The following SPAG4 variants were observed in gnomAD, a reference collection of about 807,000 sequenced individuals.
The protein encoded by SPAG4 is sperm-associated antigen 4 protein.
In SPAG4, 54 loss-of-function variants were observed where a neutral mutation model predicts 53.9. The observed-to-expected ratio is 1.00, with a 90% CI of 0.80 to 1.26. SPAG4 has a LOEUF of 1.26. SPAG4 is among the 50% of genes most tolerant of loss of function. SPAG4 has a pLI of 0.00. For missense variants in SPAG4, 548 were observed against 568.6 expected, an observed-to-expected ratio of 0.96 and a Z score of 0.37; for synonymous variants, 246 against 237.4, an observed-to-expected ratio of 1.04 and a Z score of -0.33.
At chr20:35,619,975 C>T (rs761827) in intron 10 of SPAG4, among the ~76,000 whole-genome samples, 31,106 of 151,966 alleles carry the variant, frequency 0.2, 3,683 homozygotes, top group South Asian at 0.33. Flanking sequence ...TCTTATTTTG[C>T]TGTTGTTTTT....
chr20:35,616,505 A>T, intron 1 of SPAG4, 198 bp downstream of exon 1: 1 of 567,248 alleles, frequency 1.8e-6, no homozygotes, highest in Non-Finnish European at 2.2e-6. Context: ...GGGGCGGGGA[A>T]AATCTTGTGG....
Position 35,618,703 on chromosome 20 carries a change from C to G in SPAG4, c.700C>G (p.Arg234Gly), listed in dbSNP as rs779926599. ...DKLHKEVSTV[R>G]AANSERVAKL... The stretch of plus-strand genomic sequence containing the variant: ...ACTCCACAAGGAGGTGTCCACTGTT[C>G]GGGCAGCCAACAGCGAGGTGAGCCC... The change falls in exon 7 of 12, where the codon CGG becomes GGG. Residue 234 changes from arginine to glycine, a missense_variant. Physicochemically the swap from Arg to Gly is moderately radical, Grantham distance 125. Coordinates refer to ENST00000374273, the MANE Select transcript of SPAG4 (RefSeq NM_003116.3). 4.4e-6 allele frequency: 7 copies of G among 1,585,898 alleles called. No homozygotes were observed. The highest frequency in any genetic ancestry group is 6.0e-6 in the Non-Finnish European group (7 of 1,165,538).
chr20:35,616,045 C>G lies in SPAG4; in HGVS notation c.42C>G (p.Arg14=), dbSNP rs2031359976. The change falls in exon 1 of 12, where the codon CGC becomes CGG. Residue 14 remains arginine, a synonymous_variant. Coordinates refer to ENST00000374273, the MANE Select transcript of SPAG4 (RefSeq NM_003116.3). ...GCCCGGGCTCGGCCTCGTCCTCGCGCAAGCACACGCCCAACTTTTTCAGCG... is the reference window on the plus strand; with the variant it reads ...GCCCGGGCTCGGCCTCGTCCTCGCGGAAGCACACGCCCAACTTTTTCAGCG... ...SSRPGSASSS[R]KHTPNFFSEN... is the part of the protein sequence containing the mutation. 6.2e-7 allele frequency: 1 copy of G among 1,612,566 alleles called. No homozygotes were observed.
At chr20:35,619,544 C>T (rs1300673759) in intron 9 of SPAG4, 35 bp from the exon 10 acceptor site, 1 of 1,601,980 alleles carries the variant, frequency 6.2e-7, no homozygotes, top group African/African-American at 1.3e-5. Context: ...GTCGCTCTGT[C>T]CGACGGTTCC....
At chr20:35,620,170 C>G (rs776947949) in intron 10 of SPAG4, among the ~76,000 whole-genome samples, 11 of 152,112 alleles carry the variant, frequency 7.2e-5, no homozygotes, top group Non-Finnish European at 1.5e-4. Flanking sequence ...GGGGTTTCAC[C>G]ATGTTGGCCA....
Position 35,619,623 on chromosome 20 carries a change from A to C in SPAG4, c.954A>C (p.Gln318His). The C allele has an allele frequency of 6.2e-7, 1 of 1,614,018 alleles. No homozygotes were observed. The highest frequency in any genetic ancestry group is 1.6e-4 in the Middle Eastern group (1 of 6,062). ...PGNCWAFEGD[Q>H]GQVVIQLPGR... Reference sequence around the variant, plus strand: ...ATTGCTGGGCTTTTGAAGGCGACCAAGGCCAGGTGGTGATCCAACTGCCGG... The same window carrying C: ...ATTGCTGGGCTTTTGAAGGCGACCACGGCCAGGTGGTGATCCAACTGCCGG... Residue 318 changes from glutamine (Q) to histidine (H), a missense_variant, in exon 10 of 12, where the codon CAA becomes CAC. Gln to His is a conservative substitution (Grantham distance 24). Coordinates refer to ENST00000374273, the MANE Select transcript of SPAG4 (RefSeq NM_003116.3).
At chr20:35,616,767 T>C in intron 1 of SPAG4, 1 of 253,450 alleles carries the variant, frequency 3.9e-6, no homozygotes, top group Non-Finnish European at 7.6e-6. Context: ...GTAGCTGGGA[T>C]TACAGGCGTG....
rs369796021 is a variant in SPAG4 at position 35,618,073 on chromosome 20, C to G, written c.539-14C>G. On this transcript the variant is annotated splice_polypyrimidine_tract_variant and intron_variant, in intron 4 of 11. Coordinates refer to ENST00000374273, the MANE Select transcript of SPAG4 (RefSeq NM_003116.3). Reference sequence around the variant, plus strand: ...TTCCTTTTCCTTCTGAGACCCCTCCCTCTCTTTCTCCAGCATTCTGGCTGG... The same window carrying G: ...TTCCTTTTCCTTCTGAGACCCCTCCGTCTCTTTCTCCAGCATTCTGGCTGG... 6.2e-7 allele frequency: 1 copy of G among 1,613,038 alleles called. No individual in the cohort carries two copies. The highest frequency in any genetic ancestry group is 8.5e-7 in the Non-Finnish European group (1 of 1,179,420).
chr20:35,619,449 TG>T, intron 9 of SPAG4, 129 bp from the exon 10 acceptor site: 1 of 1,393,092 alleles, frequency 7.2e-7, no homozygotes, highest in South Asian at 1.2e-5. Flanking sequence ...CTGGCATTGC[TG>T]GGGACTGGGG....
intron 1 of SPAG4, among the ~76,000 whole-genome samples, chr20:35,616,564 C>T (rs2031388857): frequency 6.6e-6 from 1 of 151,444 alleles, no homozygotes; most frequent in Non-Finnish European, 1.5e-5. Context: ...TGAGTGGCTC[C>T]CAGGACAATT....
In SPAG4 at chr20:35,621,089, C is replaced by T; in HGVS notation, c.*67C>T. ...TACTGGATCAGTGCTTTCGGGGGCT[C>T]TGTTGGGAGAGCTCTGGCTGCCGTT... On this transcript the variant is annotated 3_prime_UTR_variant, in exon 12 of 12. Transcript: ENST00000374273. 6.4e-7 allele frequency: 1 copy of T among 1,555,524 alleles called. No homozygotes were observed. The highest frequency in any genetic ancestry group is 8.8e-7 in the Non-Finnish European group (1 of 1,132,820).
At chr20:35,617,280 G>A (rs1178322967) in intron 2 of SPAG4, 40 bp downstream of exon 2, 3 of 1,423,686 alleles carry the variant, frequency 2.1e-6, no homozygotes, top group Admixed American at 1.9e-5. Flanking sequence ...TGACCCTCGG[G>A]TTCCCCTCTC....
rs200330799 is a variant in SPAG4, at chr20:35,619,007, C to G, written c.793+9C>G. 304 of 1,611,064 alleles carry G rather than the reference C, an allele frequency of 1.9e-4. No individual in the cohort carries two copies. The highest frequency in any genetic ancestry group is 2.5e-4 in the Non-Finnish European group (300 of 1,177,344). ...TGCTTTGAGCTCTGTGGGTAAGACC[C>G]GGAGACACTGGAAGACAGAGACGCA... On this transcript the variant is annotated intron_variant, in intron 8 of 11. Coordinates refer to ENST00000374273, the MANE Select transcript of SPAG4 (RefSeq NM_003116.3).
rs747733954 is a variant in SPAG4, at chr20:35,618,279, G to A, written c.582+149G>A. ...AAGGGCTGGATATAAACAGACTTATGAGGGATTGTGCTTGAGGGTCTCTTG... is the reference window on the plus strand; with the variant it reads ...AAGGGCTGGATATAAACAGACTTATAAGGGATTGTGCTTGAGGGTCTCTTG... On this transcript the variant is annotated intron_variant, in intron 5 of 11. Coordinates refer to ENST00000374273, the MANE Select transcript of SPAG4 (RefSeq NM_003116.3). 10 of 1,098,944 alleles carry A rather than the reference G, an allele frequency of 9.1e-6. No homozygotes were observed. The East Asian group carries it at 1.9e-4, about 21-fold the overall frequency. 68.1% of individuals were successfully genotyped at this position (1,098,944 alleles called of 1,614,324 possible). A position where few individuals can be genotyped will look rare whatever the true frequency, so the allele number is the denominator to read the frequency against.
At chr20:35,618,370 C>A in intron 5 of SPAG4, 80 bp from the exon 6 acceptor site, 1 of 1,568,602 alleles carries the variant, frequency 6.4e-7, no homozygotes, top group Non-Finnish European at 8.7e-7. Flanking sequence ...AAAAAGGAAG[C>A]CCTGGCCGTT....
At chr20:35,618,762 C>T (rs1376383377) in intron 7 of SPAG4, 42 bp downstream of exon 7, 1 of 1,478,360 alleles carries the variant, frequency 6.8e-7, no homozygotes, top group East Asian at 2.4e-5. Flanking sequence ...TGGATCCCTG[C>T]TCCCAGGGTC....
In SPAG4 at chr20:35,620,713, T is replaced by G. The variant is rs769904502; in HGVS notation, c.1107T>G (p.Val369=). The G allele has an allele frequency of 1.9e-6, 3 of 1,593,312 alleles. No individual in the cohort carries two copies. Among genetic ancestry groups the G allele is most frequent in the South Asian group, 2.2e-5 (2 of 90,636 alleles). The part of the protein sequence containing the change: ...FGLQVYDETE[V]SLGKFTFDVE... ...TCCAGGTTTATGATGAAACTGAAGT[T>G]TCCTTGGGGAAATTCACCTTCGATG... Residue 369 remains valine, a synonymous_variant, in exon 11 of 12, where the codon GTT becomes GTG. Coordinates refer to ENST00000374273, the MANE Select transcript of SPAG4 (RefSeq NM_003116.3).
chr20:35,618,809 T>C lies in SPAG4; in HGVS notation c.717+89T>C, dbSNP rs1489714382. ...GCTCCGCCCAGAGCCCTGCGGGATT[T>C]CTCCCGGTGCCCACGAAGTCCATCC... On this transcript the variant is annotated intron_variant, in intron 7 of 11. Transcript: ENST00000374273. The C allele has an allele frequency of 2.1e-6, 3 of 1,431,200 alleles. No homozygotes were observed. In the African/African-American group the frequency reaches 4.2e-5, roughly 20 times the overall value. 88.7% of individuals were successfully genotyped at this position (1,431,200 alleles called of 1,614,324 possible). A position where few individuals can be genotyped will look rare whatever the true frequency, so the allele number is the denominator to read the frequency against.
chr20:35,618,128 A>C lies in SPAG4; in HGVS notation c.580A>C (p.Asn194His). ...TCTGTACCTGGTCTCTCCTTTGGAG[A>C]ATGTGAGTTGGGGAGACTGTCTTGG... ...GLLYLVSPLENEPKEMLTLSE... is the reference protein window; with the variant it reads ...GLLYLVSPLEHEPKEMLTLSE... The change falls in exon 5 of 12, where the codon AAT becomes CAT. Residue 194 changes from asparagine to histidine, a missense_variant and splice_region_variant. Physicochemically the swap from Asn to His is moderately conservative, Grantham distance 68 (BLOSUM62 1). Transcript: ENST00000374273. 6.2e-6 allele frequency: 10 copies of C among 1,612,666 alleles called. No individual in the cohort carries two copies. Among genetic ancestry groups the C allele is most frequent in the Non-Finnish European group, 7.6e-6 (9 of 1,179,498 alleles).
Sources: allele counts gnomAD v4.1 joint callset (sites outside exome capture counted in the v4.1 genomes callset), GRCh38; gene constraint gnomAD v4.1.1; transcripts MANE v1.5; gene names NCBI Gene and HGNC (gene_info 2026-07-23, HGNC 2026-07-21).